The following FKBP11 variants were observed in gnomAD, a reference collection of about 807,000 sequenced individuals.
The protein encoded by FKBP11 is FKBP prolyl isomerase 11, also known as peptidyl-prolyl cis-trans isomerase FKBP11.
FKBP11 carries 21 observed loss-of-function variants against 24.7 expected under a neutral mutation model. That is an observed-to-expected ratio of 0.85 (90% confidence interval 0.60 to 1.23). The LOEUF (loss-of-function observed/expected upper bound fraction) is 1.23. Among genes scored for constraint, FKBP11 ranks in the 50% most tolerant of loss-of-function variants. The pLI is 0.00. For synonymous variants in FKBP11, 106 were observed against 100.6 expected (o/e 1.05, Z -0.32); for missense variants, 245 against 248.7 (o/e 0.99, Z 0.10).
chr12:48,924,540 T>C, intron 3 of FKBP11, 21 bp downstream of exon 3: 1 of 1,604,682 alleles, frequency 6.2e-7, no homozygotes, highest in African/African-American at 1.3e-5. Context: ...AGAGGTGGAA[T>C]GGGAGGCACA....
chr12:48,931,235 A>G (rs1249434427), upstream of FKBP11, among the ~76,000 whole-genome samples: 1 of 151,450 alleles, frequency 6.6e-6, no homozygotes, highest in East Asian at 1.9e-4. Flanking sequence ...AAAGGATGAC[A>G]CAGCATACTG....
intron 5 of FKBP11, chr12:48,922,514 TA>T: frequency 9.9e-7 from 1 of 1,014,452 alleles, no homozygotes; most frequent in African/African-American, 1.7e-5. Flanking sequence ...CCCTCTATAC[TA>T]ACTACTAATT....
upstream of FKBP11, chr12:48,925,670 C>G (rs1327378886): frequency 8.7e-6 from 5 of 573,290 alleles, no homozygotes; most frequent in Non-Finnish European, 1.6e-5. Context: ...ATCCGTTAGA[C>G]GTTCTGTCCT....
the FKBP11 span, among the ~76,000 whole-genome samples, chr12:48,934,751 C>G: frequency 6.6e-6 from 1 of 152,030 alleles, no homozygotes; most frequent in Non-Finnish European, 1.5e-5. Flanking sequence ...TGGTGGCTCA[C>G]GCCTGTAATC....
the FKBP11 span, chr12:48,938,227 T>G: frequency 2.8e-6 from 1 of 363,002 alleles, no homozygotes; most frequent in South Asian, 2.0e-5. Context: ...AAAATGGTGG[T>G]GAAGAATCCA....
chr12:48,924,133 ACATTCT>A (rs1939899075), intron 4 of FKBP11, 84 bp downstream of exon 4: 3 of 1,497,834 alleles, frequency 2.0e-6, no homozygotes, highest in Non-Finnish European at 2.8e-6. Context: ...CCTTTATTCC[ACATTCT>A]CCTGCTTAAG....
chr12:48,927,214 T>C (rs1433608162), upstream of FKBP11, among the ~76,000 whole-genome samples: 1 of 152,184 alleles, frequency 6.6e-6, no homozygotes, highest in Admixed American at 6.6e-5. Context: ...CGTTCTTCTC[T>C]CATCTCCCAC....
chr12:48,923,806 G>GT lies in FKBP11; in HGVS notation c.363dup (p.Arg122ThrfsTer16), dbSNP rs1565700232. The GT allele has an allele frequency of 1.2e-6, 2 of 1,613,964 alleles. No individual in the cohort carries two copies. The highest frequency in any genetic ancestry group is 1.3e-5 in the African/African-American group (1 of 74,876). ...CCTGGGACAGATGGTGGAAATCCCC[G>GT]TTTTCCATAGGCCAAGTGAGAAGGA... On this transcript the variant is annotated frameshift_variant, in exon 5 of 6. Transcript: ENST00000550765. LOFTEE classifies it high-confidence loss of function.
chr12:48,930,495 C>T (rs1238471756), upstream of FKBP11, among the ~76,000 whole-genome samples: 1 of 152,118 alleles, frequency 6.6e-6, no homozygotes, highest in Non-Finnish European at 1.5e-5. Context: ...GATGTTACTT[C>T]TCAGGTTATA....
chr12:48,933,594 C>T, the FKBP11 span, among the ~76,000 whole-genome samples: 1 of 151,410 alleles, frequency 6.6e-6, no homozygotes, highest in Non-Finnish European at 1.5e-5. Context: ...CCCAGCTACT[C>T]GGAGGCTGAG....
chr12:48,936,958 G>T, the FKBP11 span: 4 of 151,904 alleles, frequency 2.6e-5, no homozygotes, highest in African/African-American at 7.3e-5. Flanking sequence ...CCAGGGAAAT[G>T]AATACATTTT....
At position 48,924,266 on chromosome 12, in the gene FKBP11, G is replaced by A. The variant is rs762054866; in HGVS notation, c.284-10C>T. 3 of 1,614,042 alleles carry A rather than the reference G, an allele frequency of 1.9e-6. No individual in the cohort carries two copies. Among genetic ancestry groups the A allele is most frequent in the Admixed American group, 3.3e-5 (2 of 60,002 alleles). Reference sequence around the variant, plus strand: ...AGACTCTGCTCCAGACCTTGAAGAAGAAGACACAACTGAACTGGAAGCTAT... The same window carrying A: ...AGACTCTGCTCCAGACCTTGAAGAAAAAGACACAACTGAACTGGAAGCTAT... On this transcript the variant is annotated splice_polypyrimidine_tract_variant and intron_variant, in intron 3 of 5. Transcript: ENST00000550765.
chr12:48,934,611 T>C, the FKBP11 span, among the ~76,000 whole-genome samples: 1 of 152,150 alleles, frequency 6.6e-6, no homozygotes, highest in Non-Finnish European at 1.5e-5. Flanking sequence ...CTTCCCCAAG[T>C]TGTTCAGGGG....
the FKBP11 span, chr12:48,931,487 A>C: frequency 6.5e-7 from 1 of 1,534,884 alleles, no homozygotes; most frequent in South Asian, 1.2e-5. Flanking sequence ...GAAGAAATCC[A>C]AACAACAGAG....
At chr12:48,927,348 A>T (rs141522027), upstream of FKBP11, among the ~76,000 whole-genome samples, 3 of 146,560 alleles carry the variant, frequency 2.0e-5, no homozygotes, top group East Asian at 3.9e-4. Context: ...TGTATTGTTT[A>T]AAAAAAAAAA....
chr12:48,930,680 G>A (rs780829961), upstream of FKBP11, among the ~76,000 whole-genome samples: 14 of 152,296 alleles, frequency 9.2e-5, no homozygotes, highest in East Asian at 1.9e-4. Context: ...TGGAGGAGGT[G>A]AAACTTGAGC....
chr12:48,933,469 A>C, the FKBP11 span, among the ~76,000 whole-genome samples: 2 of 152,300 alleles, frequency 1.3e-5, no homozygotes, highest in Non-Finnish European at 2.9e-5. Context: ...TGGGAGGCCA[A>C]GGTGGGCGAA....
rs1396354416 is a variant in FKBP11, at chr12:48,924,617, G to A, written c.227C>T (p.Thr76Ile). Reference sequence around the variant, plus strand: ...AACCAGAGGGTCTCTGGTCAGGGAGGTGTCAATAATACGTCCATCTACCAA... The same window carrying A: ...AACCAGAGGGTCTCTGGTCAGGGAGATGTCAATAATACGTCCATCTACCAA... Reference protein sequence around the residue: ...GSLVDGRIIDTSLTRDPLVIE... With the variant: ...GSLVDGRIIDISLTRDPLVIE... The change falls in exon 3 of 6, where the codon ACC (threonine) becomes ATC (isoleucine). Residue 76 changes from threonine to isoleucine, a missense_variant. Transcript: ENST00000550765. 7 of 1,614,104 alleles carry A rather than the reference G, an allele frequency of 4.3e-6. No homozygotes were observed. Among genetic ancestry groups the A allele is most frequent in the Non-Finnish European group, 2.5e-6 (3 of 1,179,998 alleles).
chr12:48,926,713 G>A (rs1033097702), upstream of FKBP11, among the ~76,000 whole-genome samples: 13 of 151,414 alleles, frequency 8.6e-5, no homozygotes, highest in African/African-American at 2.4e-4. Context: ...GGCTGGTCTC[G>A]AATTCCCAAC....
Sources: allele counts gnomAD v4.1 joint callset (sites outside exome capture counted in the v4.1 genomes callset), GRCh38; gene constraint gnomAD v4.1.1; transcripts MANE v1.5; gene names NCBI Gene and HGNC (gene_info 2026-07-23, HGNC 2026-07-21).